Variants in BAZ2B observed in about 807,000 individuals in gnomAD.
BAZ2B encodes bromodomain adjacent to zinc finger domain 2B.
Under a neutral mutation model 246.0 loss-of-function variants are expected in BAZ2B, and 91 were observed. The ratio of observed to expected loss-of-function variants is 0.37; its 90% CI spans 0.31 to 0.44. BAZ2B has a LOEUF of 0.44. Ranked by LOEUF, BAZ2B falls within the 20% of genes least tolerant of loss-of-function variation. BAZ2B has a pLI of 1.00. For missense variants in BAZ2B, 2,332 were observed against 2,533.7 expected (o/e 0.92, Z 1.71); for synonymous variants, 855 against 860.0 (o/e 0.99, Z 0.10).
intron 16 of BAZ2B, among the ~76,000 whole-genome samples, chr2:159,402,061 T>C (rs2065159108): frequency 6.6e-6 from 1 of 152,240 alleles, no homozygotes; most frequent in Non-Finnish European, 1.5e-5. Context: ...ATTTTAGGAA[T>C]TACTGTTTTG....
At chr2:159,641,168 T>A in the BAZ2B span, among the ~76,000 whole-genome samples, 1 of 152,224 alleles carries the variant, frequency 6.6e-6, no homozygotes, top group African/African-American at 2.4e-5. Flanking sequence ...ATGGTTGAAC[T>A]AATTTACACT....
At chr2:159,683,534 G>A in the BAZ2B span, among the ~76,000 whole-genome samples, 4 of 152,208 alleles carry the variant, frequency 2.6e-5, no homozygotes, top group African/African-American at 9.7e-5. Flanking sequence ...AGTTGGGTTA[G>A]TTTTCTTGTT....
At chr2:159,403,531 T>G (rs1559285128) in intron 16 of BAZ2B, among the ~76,000 whole-genome samples, 1 of 152,142 alleles carries the variant, frequency 6.6e-6, no homozygotes, top group Non-Finnish European at 1.5e-5. Context: ...CAACAGTATT[T>G]CACTTAAAAA....
the BAZ2B span, among the ~76,000 whole-genome samples, chr2:159,668,280 A>G: frequency 6.7e-6 from 1 of 148,744 alleles, no homozygotes; most frequent in Non-Finnish European, 1.5e-5. Flanking sequence ...TTTGTCCTTT[A>G]GGATCTTTAT....
chr2:159,426,827 AC>A (rs1443352653), intron 13 of BAZ2B, among the ~76,000 whole-genome samples: 1 of 152,124 alleles, frequency 6.6e-6, no homozygotes, highest in Admixed American at 6.5e-5. Context: ...AATGAGGGAG[AC>A]CTTTTCCATT....
Position 159,511,594 on chromosome 2 carries a change from G to T in BAZ2B, c.-2-32873C>A, listed in dbSNP as rs564486540. On this transcript the variant is annotated intron_variant, in intron 2 of 36. Transcript: ENST00000392783. Reference sequence around the variant, plus strand: ...AGGCAATAATAAAATACTTTGAACAGAAATTTTTTTCTGATCAACCAGTCA... The same window carrying T: ...AGGCAATAATAAAATACTTTGAACATAAATTTTTTTCTGATCAACCAGTCA... 7.2e-5 allele frequency among the ~76,000 whole-genome samples: 11 copies of T among 152,210 alleles called. No individual in the cohort carries two copies. In the South Asian group the frequency reaches 2.1e-3, roughly 29 times the overall value.
chr2:159,650,093 A>AT, the BAZ2B span, among the ~76,000 whole-genome samples: 1 of 151,698 alleles, frequency 6.6e-6, no homozygotes, highest in Admixed American at 6.6e-5. Flanking sequence ...TATATTATTC[A>AT]TTTTTTTACT....
At chr2:159,620,140 GCTAT>G (rs1696371413), upstream of BAZ2B, among the ~76,000 whole-genome samples, 1 of 152,158 alleles carries the variant, frequency 6.6e-6, no homozygotes, top group South Asian at 2.1e-4. Flanking sequence ...GAGTTGGATG[GCTAT>G]CTAACTTACT....
chr2:159,440,835 C>T (rs1004966457), intron 6 of BAZ2B, among the ~76,000 whole-genome samples: 1 of 152,006 alleles, frequency 6.6e-6, no homozygotes, highest in Non-Finnish European at 1.5e-5. Context: ...TTAACTGCTC[C>T]AAACTAGTTA....
chr2:159,404,812 C>A (rs1447466999), intron 16 of BAZ2B, 37 bp downstream of exon 16: 4 of 1,535,040 alleles, frequency 2.6e-6, no homozygotes, highest in African/African-American at 1.4e-5. Context: ...AAAATAAGTC[C>A]CATATTTTAA....
chr2:159,510,642 TA>T (rs919168428), intron 2 of BAZ2B, among the ~76,000 whole-genome samples: 1 of 152,064 alleles, frequency 6.6e-6, no homozygotes, highest in African/African-American at 2.4e-5. Context: ...TACTGCAATG[TA>T]AAAAAAATGT....
intron 2 of BAZ2B, among the ~76,000 whole-genome samples, chr2:159,480,489 G>T (rs999143546): frequency 6.6e-6 from 1 of 152,026 alleles, no homozygotes; most frequent in African/African-American, 2.4e-5. Context: ...AAGTAGTCTT[G>T]TATACATACT....
At chr2:159,332,737 G>C in intron 33 of BAZ2B, 51 bp from the exon 34 acceptor site, 1 of 1,587,342 alleles carries the variant, frequency 6.3e-7, no homozygotes, top group Non-Finnish European at 8.6e-7. Flanking sequence ...ATGAATAATA[G>C]TTATTGGGAT....
Position 159,446,776 on chromosome 2 carries a change from A to G in BAZ2B, c.696+6T>C, listed in dbSNP as rs771455295. The G allele has an allele frequency of 6.3e-7, 1 of 1,598,752 alleles. No individual in the cohort carries two copies. The highest frequency in any genetic ancestry group is 1.3e-5 in the African/African-American group (1 of 74,518). ...TTATATATTAGTCCTTCCAAGTACA[A>G]CTTACCTTATCTTTGATTTTGTCAA... On this transcript the variant is annotated splice_donor_region_variant and intron_variant, in intron 6 of 36. Coordinates refer to ENST00000392783, the MANE Select transcript of BAZ2B (RefSeq NM_013450.4).
intron 1 of BAZ2B, among the ~76,000 whole-genome samples, chr2:159,601,127 T>C (rs533922152): frequency 1.3e-5 from 2 of 152,168 alleles, no homozygotes; most frequent in African/African-American, 2.4e-5. Flanking sequence ...TAGGAAAAAA[T>C]ATATGTAAAC....
At chr2:159,687,691 A>G in the BAZ2B span, among the ~76,000 whole-genome samples, 33 of 152,232 alleles carry the variant, frequency 2.2e-4, no homozygotes, top group Admixed American at 2.2e-3. Context: ...GAGTTCTGTA[A>G]GCTATTATAA....
Position 159,509,608 on chromosome 2 carries a change from T to C in BAZ2B, c.-2-30887A>G, listed in dbSNP as rs78589327. On this transcript the variant is annotated intron_variant, in intron 2 of 36. Transcript: ENST00000392783. Reference sequence around the variant, plus strand: ...ATAAAATCAATGCTTGATTCAGCTATCTGGAAACAGTTTTGTGGTTCCTCC... The same window carrying C: ...ATAAAATCAATGCTTGATTCAGCTACCTGGAAACAGTTTTGTGGTTCCTCC... Among the ~76,000 whole-genome samples the C allele has an allele frequency of 7.1e-3, 1,087 of 152,278 alleles. 17 individuals are homozygous for C. The highest frequency in any genetic ancestry group is 0.025 in the African/African-American group (1,039 of 41,566).
chr2:159,687,881 A>C, the BAZ2B span, among the ~76,000 whole-genome samples: 2 of 152,192 alleles, frequency 1.3e-5, no homozygotes, highest in Non-Finnish European at 2.9e-5. Context: ...ATAGCATCAG[A>C]ACAAAATTGA....
chr2:159,444,016 T>C (rs1436430245), intron 6 of BAZ2B: 4 of 151,810 alleles, frequency 2.6e-5, no homozygotes, highest in Non-Finnish European at 5.9e-5. Context: ...CATTTAACTT[T>C]TGGAAGCACA....
Sources: allele counts gnomAD v4.1 joint callset (sites outside exome capture counted in the v4.1 genomes callset), GRCh38; gene constraint gnomAD v4.1.1; transcripts MANE v1.5; gene names NCBI Gene and HGNC (gene_info 2026-07-23, HGNC 2026-07-21).